Variants in PDSS2 observed in about 807,000 individuals in gnomAD.
PDSS2 encodes all trans-polyprenyl-diphosphate synthase PDSS2.
In PDSS2, 31 loss-of-function variants were observed where a neutral mutation model predicts 44.5. The ratio of observed to expected loss-of-function variants is 0.70; its 90% confidence interval spans 0.52 to 0.94. The LOEUF is 0.94. Ranked by LOEUF, PDSS2 falls within the 40% of genes least tolerant of loss-of-function variation. The pLI, the probability that PDSS2 is intolerant of heterozygous loss-of-function variation, is 0.00. For missense variants in PDSS2, 452 were observed against 482.2 expected (o/e 0.94, Z 0.59); for synonymous variants, 157 against 180.3 (o/e 0.87, Z 1.03).
At chr6:107,417,956 TAAG>T (rs1780715971) in intron 1 of PDSS2, among the ~76,000 whole-genome samples, 1 of 152,010 alleles carries the variant, frequency 6.6e-6, no homozygotes, top group Non-Finnish European at 1.5e-5. Context: ...AAATGACAGT[TAAG>T]AAGATTAAGT....
chr6:107,269,568 C>T (rs1357453013), intron 3 of PDSS2, among the ~76,000 whole-genome samples: 1 of 152,082 alleles, frequency 6.6e-6, no homozygotes, highest in Admixed American at 6.6e-5. Context: ...TTGTAATTCC[C>T]TAAAAGTCTC....
chr6:107,269,866 TATGTTTGCCAGGC>T (rs1014144957), intron 3 of PDSS2, among the ~76,000 whole-genome samples: 6 of 151,800 alleles, frequency 4.0e-5, no homozygotes, highest in African/African-American at 1.5e-4. Flanking sequence ...GGGGTTTCAC[TATGTTTGCCAGGC>T]TGGTCTCAGA....
intron 2 of PDSS2, among the ~76,000 whole-genome samples, chr6:107,330,615 G>A (rs970978970): frequency 6.6e-6 from 1 of 152,086 alleles, no homozygotes; most frequent in Non-Finnish European, 1.5e-5. Flanking sequence ...ATTATATATT[G>A]TAATAAACTA....
chr6:107,360,600 T>A (rs571088485), intron 1 of PDSS2, among the ~76,000 whole-genome samples: 9 of 152,280 alleles, frequency 5.9e-5, no homozygotes, highest in African/African-American at 2.2e-4. Flanking sequence ...GGATAACTGA[T>A]GAATTTCGAA....
intron 7 of PDSS2, among the ~76,000 whole-genome samples, chr6:107,172,048 A>G (rs1370900344): frequency 1.3e-5 from 2 of 152,246 alleles, no homozygotes; most frequent in African/African-American, 4.8e-5. Context: ...AATTAAGTCA[A>G]CTAAATAATT....
chr6:107,384,467 C>T (rs1779549582), intron 1 of PDSS2, among the ~76,000 whole-genome samples: 1 of 151,926 alleles, frequency 6.6e-6, no homozygotes, highest in South Asian at 2.1e-4. Context: ...ATGGTGAAAC[C>T]CTGTTTCTAT....
At chr6:107,207,585 TTAAAA>T (rs1265625195) in intron 6 of PDSS2, among the ~76,000 whole-genome samples, 1 of 151,354 alleles carries the variant, frequency 6.6e-6, no homozygotes, top group African/African-American at 2.4e-5. Flanking sequence ...ATTTAGAAGA[TTAAAA>T]TAAACTCAGT....
intron 1 of PDSS2, among the ~76,000 whole-genome samples, chr6:107,364,238 C>T (rs368480011): frequency 2.2e-4 from 33 of 152,328 alleles, no homozygotes; most frequent in African/African-American, 6.5e-4. Flanking sequence ...CTGCGCCGTG[C>T]GCTCGCATTC....
chr6:107,268,072 C>T (rs1012852607), intron 3 of PDSS2, among the ~76,000 whole-genome samples: 10 of 152,256 alleles, frequency 6.6e-5, no homozygotes, highest in African/African-American at 2.4e-4. Flanking sequence ...GAAGGTAGGG[C>T]AGAATGTTAC....
At chr6:107,291,323 A>G (rs1399850266) in intron 2 of PDSS2, among the ~76,000 whole-genome samples, 2 of 150,382 alleles carry the variant, frequency 1.3e-5, no homozygotes, top group African/African-American at 4.9e-5. Context: ...AAATTTTGAA[A>G]TGAGAATTCT....
intron 7 of PDSS2, among the ~76,000 whole-genome samples, chr6:107,163,172 C>G (rs1771210406): frequency 6.6e-6 from 1 of 152,090 alleles, no homozygotes; most frequent in Non-Finnish European, 1.5e-5. Context: ...CTTTATTCAG[C>G]CAGGCTAAAC....
At chr6:107,209,534 G>T (rs868083028) in intron 6 of PDSS2, among the ~76,000 whole-genome samples, 49 of 148,714 alleles carry the variant, frequency 3.3e-4, no homozygotes, top group African/African-American at 1.2e-3. Flanking sequence ...AAATCTTTCA[G>T]AACGCAGATA....
chr6:107,208,168 TAG>T (rs1273570298), intron 6 of PDSS2, among the ~76,000 whole-genome samples: 1 of 150,688 alleles, frequency 6.6e-6, no homozygotes, highest in Non-Finnish European at 1.5e-5. Flanking sequence ...TTGTATTTAG[TAG>T]AGACGGGGTT....
At chr6:107,368,904 C>G (rs1306931080) in intron 1 of PDSS2, among the ~76,000 whole-genome samples, 1 of 152,198 alleles carries the variant, frequency 6.6e-6, no homozygotes, top group East Asian at 1.9e-4. Flanking sequence ...AGGACTTGTA[C>G]TACTACCTGA....
chr6:107,162,153 A>G (rs950952773), intron 7 of PDSS2, among the ~76,000 whole-genome samples: 1 of 152,162 alleles, frequency 6.6e-6, no homozygotes, highest in African/African-American at 2.4e-5. Flanking sequence ...ATTGTCCTAC[A>G]TAATCACAAT....
At chr6:107,223,036 C>T (rs1246823088) in intron 4 of PDSS2, among the ~76,000 whole-genome samples, 3 of 151,454 alleles carry the variant, frequency 2.0e-5, no homozygotes, top group African/African-American at 7.3e-5. Flanking sequence ...GCAACCTCTG[C>T]CTCCTGGGTT....
At chr6:107,288,753 G>GTTTTTTTTTTTTT (rs35762837) in intron 2 of PDSS2, among the ~76,000 whole-genome samples, 1 of 72,742 alleles carries the variant, frequency 1.4e-5, no homozygotes, top group Non-Finnish European at 2.5e-5. Context: ...GGACGAAATT[G>GTTTTTTTTTTTTT]TTTTTTTTTT....
chr6:107,261,993 C>T (rs1775253974), intron 3 of PDSS2, among the ~76,000 whole-genome samples: 1 of 146,786 alleles, frequency 6.8e-6, no homozygotes, highest in African/African-American at 2.5e-5. Flanking sequence ...ACTCCAAGCT[C>T]CGCCTCCCTG....
intron 1 of PDSS2, among the ~76,000 whole-genome samples, chr6:107,433,148 C>G (rs1397274364): frequency 6.6e-6 from 1 of 151,724 alleles, no homozygotes; most frequent in Non-Finnish European, 1.5e-5. Context: ...CAGTTTTTTC[C>G]TACGTTGACC....
Sources: allele counts gnomAD v4.1 joint callset (sites outside exome capture counted in the v4.1 genomes callset), GRCh38; gene constraint gnomAD v4.1.1; transcripts MANE v1.5; gene names NCBI Gene and HGNC (gene_info 2026-07-23, HGNC 2026-07-21).